ACOX3: variants seen among roughly 807,000 people sequenced by gnomAD.
The protein encoded by ACOX3 is acyl-CoA oxidase 3, pristanoyl.
ACOX3 carries 73 observed loss-of-function variants against 81.5 expected under a neutral mutation model. That is an observed-to-expected ratio of 0.90 (90% CI 0.74 to 1.09). The LOEUF is 1.09. Among genes scored for constraint, ACOX3 ranks in the 50% least tolerant of loss-of-function variants. The pLI is 0.00. For missense variants in ACOX3, 947 were observed against 928.0 expected, an observed-to-expected ratio of 1.02 and a Z score of -0.27; for synonymous variants, 387 against 375.1, an observed-to-expected ratio of 1.03 and a Z score of -0.37.
intron 9 of ACOX3, among the ~76,000 whole-genome samples, chr4:8,396,679 G>GAAA (rs531424752): frequency 2.1e-4 from 21 of 100,672 alleles, no homozygotes; most frequent in South Asian, 7.0e-4. Context: ...CTCCGTCTGG[G>GAAA]AAAAAAAAAA....
chr4:8,357,356 C>T, the ACOX3 span: 1 of 421,356 alleles, frequency 2.4e-6, no homozygotes, highest in South Asian at 1.7e-5. Flanking sequence ...TGCAGGAACA[C>T]TGGCATGAAC....
In ACOX3 at chr4:8,394,837, T is replaced by A; in HGVS notation, c.1057-95A>T. The A allele has an allele frequency of 6.7e-7, 1 of 1,483,998 alleles. No individual in the cohort carries two copies. Among genetic ancestry groups the A allele is most frequent in the Non-Finnish European group, 9.0e-7 (1 of 1,107,132 alleles). 91.9% of individuals were successfully genotyped at this position (1,483,998 alleles called of 1,614,324 possible). A position where few individuals can be genotyped will look rare whatever the true frequency, so the allele number is the denominator to read the frequency against. On this transcript the variant is annotated intron_variant, in intron 9 of 17. Coordinates refer to ENST00000356406, the MANE Select transcript of ACOX3 (RefSeq NM_003501.3). The surrounding 1 kb of genome is among the most constrained non-coding windows in gnomAD (Gnocchi z 5.9). ...TGAAAGCCAGTGCAGGGAGAGGCCG[T>A]CAGGGCCACACACCCACTAGCGCTG...
At chr4:8,398,046 A>C (rs1328545247) in intron 8 of ACOX3, among the ~76,000 whole-genome samples, 2 of 152,204 alleles carry the variant, frequency 1.3e-5, no homozygotes, top group Admixed American at 6.5e-5. Flanking sequence ...CTGTAGTCCC[A>C]GCTACTCAGG....
At chr4:8,409,582 T>G (rs1205301179) in intron 6 of ACOX3, among the ~76,000 whole-genome samples, 1 of 147,092 alleles carries the variant, frequency 6.8e-6, no homozygotes, top group Non-Finnish European at 1.5e-5. Flanking sequence ...CGGGCCTGTC[T>G]GTGCACTGTG....
In ACOX3 at chr4:8,416,683, T is replaced by G; in HGVS notation, c.-14-148A>C. ...TGGCAAAAGAGAATCACTCTGTGAA[T>G]GGCTAGCATCATTTTCCCAGAAGAA... On this transcript the variant is annotated intron_variant, in intron 1 of 17. Transcript: ENST00000356406. This position sits in a 1 kb window ranked among gnomAD's most constrained non-coding sequence, Gnocchi z 4.2. 1.1e-6 allele frequency: 1 copy of G among 925,064 alleles called. No homozygotes were observed. Among genetic ancestry groups the G allele is most frequent in the Non-Finnish European group, 1.6e-6 (1 of 642,234 alleles). The allele number at this position is 925,064 out of a possible 1,614,324, so 57.3% of individuals were successfully genotyped here.
chr4:8,407,426 G>A lies in ACOX3; in HGVS notation c.688-1383C>T, dbSNP rs757490114. ...TGGGGCCACAGGCCTGGGGCCACCA[G>A]GAGCTGAAAGAGATAGGAAGGATCC... On this transcript the variant is annotated intron_variant, in intron 6 of 17. Coordinates refer to ENST00000356406, the MANE Select transcript of ACOX3 (RefSeq NM_003501.3). This position sits in a 1 kb window ranked among gnomAD's most constrained non-coding sequence, Gnocchi z 4.6. Among the ~76,000 whole-genome samples, 6 of 152,202 alleles carry A rather than the reference G, an allele frequency of 3.9e-5. No homozygotes were observed. Among genetic ancestry groups the A allele is most frequent in the Non-Finnish European group, 8.8e-5 (6 of 68,042 alleles).
intron 1 of ACOX3, among the ~76,000 whole-genome samples, chr4:8,426,640 AT>A (rs751196589): frequency 2.6e-5 from 4 of 151,282 alleles, no homozygotes; most frequent in Non-Finnish European, 5.9e-5. Flanking sequence ...AGAAATATTG[AT>A]GCCCCATTGT....
chr4:8,436,342 G>A (rs1234477013), intron 1 of ACOX3: 1 of 151,996 alleles, frequency 6.6e-6, no homozygotes, highest in Non-Finnish European at 1.5e-5. Context: ...TGATAACCCT[G>A]GACACTGTCG....
rs1276517050 is a variant in ACOX3, at chr4:8,430,525, C to T, written c.-15+10123G>A. ...ACAATTTCTGCCAAAATTACAACTA[C>T]TAATCAATTGGGTTCACATGTGTTA... On this transcript the variant is annotated intron_variant, in intron 1 of 17. Transcript: ENST00000356406. The surrounding 1 kb of genome is among the most constrained non-coding windows in gnomAD (Gnocchi z 5.2). 6.6e-6 allele frequency among the ~76,000 whole-genome samples: 1 copy of T among 152,216 alleles called. No individual in the cohort carries two copies. The highest frequency in any genetic ancestry group is 2.4e-5 in the African/African-American group (1 of 41,454).
At chr4:8,379,198 G>A (rs1436422056) in intron 14 of ACOX3, among the ~76,000 whole-genome samples, 1 of 152,190 alleles carries the variant, frequency 6.6e-6, no homozygotes. Context: ...ACAGCTTCCG[G>A]TTCCCATCTT....
intron 5 of ACOX3, among the ~76,000 whole-genome samples, chr4:8,411,709 G>A (rs1721748365): frequency 1.3e-5 from 2 of 152,190 alleles, no homozygotes; most frequent in South Asian, 4.1e-4. Flanking sequence ...CGGCATACCA[G>A]CTTTGCTCTC....
In ACOX3 at chr4:8,416,644, G is replaced by T; in HGVS notation, c.-14-109C>A. The T allele has an allele frequency of 8.0e-7, 1 of 1,254,342 alleles. No individual in the cohort carries two copies. The highest frequency in any genetic ancestry group is 1.1e-6 in the Non-Finnish European group (1 of 939,246). The allele number at this position is 1,254,342 out of a possible 1,614,324, so 77.7% of individuals were successfully genotyped here. A position where few individuals can be genotyped will look rare whatever the true frequency, so the allele number is the denominator to read the frequency against. ...TTACAAATCAGAGAAAAGTAAACTT[G>T]AAATCCAAAAGGATGGCAAAAGAGA... On this transcript the variant is annotated intron_variant, in intron 1 of 17. Transcript: ENST00000356406. The surrounding 1 kb of genome is among the most constrained non-coding windows in gnomAD (Gnocchi z 4.2).
At chr4:8,412,492 G>A (rs944662514) in intron 5 of ACOX3, among the ~76,000 whole-genome samples, 2 of 143,924 alleles carry the variant, frequency 1.4e-5, no homozygotes, top group Non-Finnish European at 3.0e-5. Flanking sequence ...GGATGGATGA[G>A]AGAATGAATG....
intron 1 of ACOX3, among the ~76,000 whole-genome samples, chr4:8,427,745 C>G (rs909307090): frequency 6.6e-6 from 1 of 152,232 alleles, no homozygotes; most frequent in Non-Finnish European, 1.5e-5. Flanking sequence ...CTGCCACCAC[C>G]CTGGGAGCAA....
the ACOX3 span, chr4:8,357,257 G>A: frequency 2.2e-6 from 1 of 456,778 alleles, no homozygotes; most frequent in Non-Finnish European, 4.4e-6. Context: ...GTGGACACCA[G>A]GGCCAGGAGA....
intron 1 of ACOX3, among the ~76,000 whole-genome samples, chr4:8,418,369 G>A (rs1722563724): frequency 6.8e-6 from 1 of 147,984 alleles, no homozygotes; most frequent in African/African-American, 2.5e-5. Flanking sequence ...TGAGGCAGGA[G>A]AATCGCTTGA....
rs750792736 is a variant in ACOX3, at chr4:8,389,582, C to T, written c.1423+30G>A. The T allele has an allele frequency of 1.7e-5, 28 of 1,612,130 alleles. No individual in the cohort carries two copies. The highest frequency in any genetic ancestry group is 6.7e-5 in the Admixed American group (4 of 59,982). ...CACCCCTGCCCCAGTTGGGTTCCAG[C>T]GCCCCCACCAGTGTGCAGCAGAGCC... On this transcript the variant is annotated intron_variant, in intron 12 of 17. Coordinates refer to ENST00000356406, the MANE Select transcript of ACOX3 (RefSeq NM_003501.3). The surrounding 1 kb of genome is among the most constrained non-coding windows in gnomAD (Gnocchi z 5.3).
chr4:8,440,715 T>C lies in ACOX3; in HGVS notation c.-82A>G. On this transcript the variant is annotated 5_prime_UTR_variant, in exon 1 of 18. An upstream start codon of the reference 5' UTR is lost. Coordinates refer to ENST00000356406, the MANE Select transcript of ACOX3 (RefSeq NM_003501.3). ...CAGGAAAGGATCTCCAGCGGCGCCA[T>C]TCTCATTTCCGGTCCCAGCACCCCG... The C allele has an allele frequency of 3.8e-6, 5 of 1,311,236 alleles. No individual in the cohort carries two copies. The highest frequency in any genetic ancestry group is 4.9e-6 in the Non-Finnish European group (5 of 1,013,448). The allele number at this position is 1,311,236 out of a possible 1,614,324, so 81.2% of individuals were successfully genotyped here. A position where few individuals can be genotyped will look rare whatever the true frequency, so the allele number is the denominator to read the frequency against.
chr4:8,435,510 A>G (rs983061168), intron 1 of ACOX3, among the ~76,000 whole-genome samples: 1 of 152,094 alleles, frequency 6.6e-6, no homozygotes, highest in African/African-American at 2.4e-5. Context: ...AAAAGAAAAA[A>G]AAAAAAGAAT....
Sources: allele counts gnomAD v4.1 joint callset (sites outside exome capture counted in the v4.1 genomes callset), GRCh38; gene constraint gnomAD v4.1.1; non-coding constraint Gnocchi (gnomAD v3.1); transcripts MANE v1.5; gene names NCBI Gene and HGNC (gene_info 2026-07-23, HGNC 2026-07-21).